Variants in UMAD1 observed in about 807,000 individuals in gnomAD.
UMAD1 encodes the protein UBAP1-MVB12-associated (UMA) domain containing 1, also known as UBAP1-MVB12-associated (UMA)-domain containing protein 1.
UMAD1 carries 8 observed loss-of-function variants against 6.1 expected under a neutral mutation model. The ratio of observed to expected loss-of-function variants is 1.30; its 90% CI spans 0.76 to 2.35. The LOEUF (loss-of-function observed/expected upper bound fraction) is 2.35. UMAD1 is among the 30% of genes most tolerant of loss of function. UMAD1 has a pLI of 0.00. For synonymous variants in UMAD1, 56 were observed against 31.4 expected, an observed-to-expected ratio of 1.78 and a Z score of -2.61; for missense variants, 130 against 78.4, an observed-to-expected ratio of 1.66 and a Z score of -2.49.
chr7:7,801,035 T>C (rs1046420446), intron 2 of UMAD1, among the ~76,000 whole-genome samples: 1 of 152,260 alleles, frequency 6.6e-6, no homozygotes, highest in African/African-American at 2.4e-5. Flanking sequence ...ATTCTGCTTA[T>C]ACTTACCCAA....
At chr7:7,652,009 G>C (rs1761946165) in intron 1 of UMAD1, among the ~76,000 whole-genome samples, 1 of 152,194 alleles carries the variant, frequency 6.6e-6, no homozygotes, top group Non-Finnish European at 1.5e-5. Flanking sequence ...AGTGGGAGAA[G>C]ATCTTGTCAG....
In UMAD1 at chr7:7,723,870, TGTTCCTA is replaced by T. The variant is rs376906357; in HGVS notation, c.82+50419_82+50425del. Reference sequence around the variant, plus strand: ...TCTGCCATTGGCTAATTAATCACGGTGTTCCTAGAAGTGAAATTGATAGGAAGCCTAC... The same window carrying T: ...TCTGCCATTGGCTAATTAATCACGGTGAAGTGAAATTGATAGGAAGCCTAC... On this transcript the variant is annotated intron_variant, in intron 2 of 3. Coordinates refer to ENST00000682710, the MANE Select transcript of UMAD1 (RefSeq NM_001302348.2). 6.8e-4 allele frequency among the ~76,000 whole-genome samples: 97 copies of T among 143,400 alleles called. 2 individuals carry two copies. Among genetic ancestry groups the T allele is most frequent in the African/African-American group, 2.2e-3 (86 of 38,892 alleles). 94.1% of individuals were successfully genotyped at this position (143,400 alleles called of 152,430 possible).
intron 2 of UMAD1, chr7:7,741,901 CAA>C (rs1231355888): frequency 5.0e-6 from 1 of 201,824 alleles, no homozygotes; most frequent in Non-Finnish European, 1.0e-5. Flanking sequence ...TACTACTAAA[CAA>C]AAAATATTTT....
At chr7:7,730,932 A>C (rs1781237042) in intron 2 of UMAD1, among the ~76,000 whole-genome samples, 1 of 152,168 alleles carries the variant, frequency 6.6e-6, no homozygotes, top group Admixed American at 6.5e-5. Flanking sequence ...AAGTTGTTGA[A>C]CTTTGAGTTT....
chr7:7,843,779 T>C (rs1395290262), intron 3 of UMAD1, among the ~76,000 whole-genome samples: 1 of 152,168 alleles, frequency 6.6e-6, no homozygotes, highest in Non-Finnish European at 1.5e-5. Flanking sequence ...GGAAAAATTA[T>C]ACTTCCAGAA....
rs1304651935 is a variant in UMAD1 at position 7,777,293 on chromosome 7, C to T, written c.83-24377C>T. Among the ~76,000 whole-genome samples, 13 of 151,466 alleles carry T rather than the reference C, an allele frequency of 8.6e-5. No individual in the cohort carries two copies. In the South Asian group the frequency reaches 2.1e-3, roughly 24 times the overall value. On this transcript the variant is annotated intron_variant, in intron 2 of 3. Transcript: ENST00000682710. ...TGGCTGAGGCGGGCAAATCACAAGG[C>T]CAGGAGTTCAAGACCAGCCTGGCCA... is the stretch of plus-strand genomic sequence containing the variant.
chr7:7,815,245 G>T (rs538617365), intron 3 of UMAD1, among the ~76,000 whole-genome samples: 3 of 152,118 alleles, frequency 2.0e-5, no homozygotes, highest in African/African-American at 7.2e-5. Flanking sequence ...ACCACTTATT[G>T]TACAGGGTTA....
Position 7,878,181 on chromosome 7 carries a change from G to C in UMAD1, c.*643G>C, listed in dbSNP as rs1233363805. On this transcript the variant is annotated 3_prime_UTR_variant, in exon 4 of 4. Transcript: ENST00000682710. ...GCCCTTTCCATCGTGAATAATCGTT[G>C]TGTTCCCACCTTTGTTCTCTGCCTT... 6.6e-6 allele frequency: 1 copy of C among 152,460 alleles called. No individual in the cohort carries two copies. The highest frequency in any genetic ancestry group is 1.5e-5 in the Non-Finnish European group (1 of 68,282). 9.4% of individuals were successfully genotyped at this position (152,460 alleles called of 1,614,324 possible). A position where few individuals can be genotyped will look rare whatever the true frequency, so the allele number is the denominator to read the frequency against.
intron 2 of UMAD1, among the ~76,000 whole-genome samples, chr7:7,774,237 T>G (rs966481747): frequency 6.6e-6 from 1 of 152,142 alleles, no homozygotes. Flanking sequence ...GAGCAGAGTG[T>G]GGGGTGGATT....
intron 2 of UMAD1, among the ~76,000 whole-genome samples, chr7:7,775,688 G>A (rs1782191612): frequency 6.6e-6 from 1 of 152,188 alleles, no homozygotes; most frequent in African/African-American, 2.4e-5. Flanking sequence ...AATTGGAATT[G>A]CACATATTGC....
chr7:7,654,631 G>A (rs1025132866), intron 1 of UMAD1, among the ~76,000 whole-genome samples: 12 of 151,958 alleles, frequency 7.9e-5, no homozygotes, highest in African/African-American at 2.2e-4. Context: ...GGCTGGGTGC[G>A]GTGGCTCATG....
intron 2 of UMAD1, among the ~76,000 whole-genome samples, chr7:7,769,096 C>T (rs1583811456): frequency 2.0e-5 from 3 of 152,278 alleles, no homozygotes; most frequent in African/African-American, 7.2e-5. Flanking sequence ...TTTCATTCAT[C>T]TGTCCAGAAA....
intron 2 of UMAD1, among the ~76,000 whole-genome samples, chr7:7,717,731 A>T (rs757877394): frequency 6.6e-6 from 1 of 152,238 alleles, no homozygotes; most frequent in African/African-American, 2.4e-5. Context: ...TTTAACAAAG[A>T]AGTTAGTTTG....
chr7:7,663,601 A>G (rs528506056), intron 1 of UMAD1, among the ~76,000 whole-genome samples: 2 of 151,878 alleles, frequency 1.3e-5, no homozygotes, highest in Non-Finnish European at 2.9e-5. Flanking sequence ...TCAGGTCTCT[A>G]CTATGAATCT....
intron 2 of UMAD1, among the ~76,000 whole-genome samples, chr7:7,686,764 G>A (rs770934384): frequency 3.2e-4 from 48 of 152,230 alleles, no homozygotes; most frequent in African/African-American, 9.6e-4. Flanking sequence ...CCATGTGGCC[G>A]TTTTCCAGTT....
intron 2 of UMAD1, among the ~76,000 whole-genome samples, chr7:7,730,353 T>A (rs1045354573): frequency 6.6e-6 from 1 of 152,240 alleles, no homozygotes; most frequent in Non-Finnish European, 1.5e-5. Flanking sequence ...CAGGTGATTC[T>A]AACATGCAGC....
In UMAD1 at chr7:7,734,649, C is replaced by T. The variant is rs1006395630; in HGVS notation, c.82+61196C>T. On this transcript the variant is annotated intron_variant, in intron 2 of 3. Coordinates refer to ENST00000682710, the MANE Select transcript of UMAD1 (RefSeq NM_001302348.2). ...CACAAGGAATTTTGTTAAAATAAAG[C>T]CCTTCGCCATATCATGCTGAAACTA... Among the ~76,000 whole-genome samples, 8 of 152,180 alleles carry T rather than the reference C, an allele frequency of 5.3e-5. No homozygotes were observed. In the East Asian group the frequency reaches 1.5e-3, roughly 29 times the overall value.
intron 3 of UMAD1, among the ~76,000 whole-genome samples, chr7:7,817,613 A>G (rs951073013): frequency 1.3e-5 from 2 of 152,164 alleles, no homozygotes; most frequent in Non-Finnish European, 2.9e-5. Context: ...CTAATTCTCA[A>G]ATCCTAAAGT....
intron 2 of UMAD1, among the ~76,000 whole-genome samples, chr7:7,686,907 C>T (rs986390598): frequency 1.8e-4 from 27 of 152,168 alleles, no homozygotes; most frequent in African/African-American, 6.0e-4. Context: ...CCCCACTTCC[C>T]TTATCCTGGA....
Sources: allele counts gnomAD v4.1 joint callset (sites outside exome capture counted in the v4.1 genomes callset), GRCh38; gene constraint gnomAD v4.1.1; transcripts MANE v1.5; gene names NCBI Gene and HGNC (gene_info 2026-07-23, HGNC 2026-07-21).